MMEL1: variants seen among roughly 807,000 people sequenced by gnomAD.
MMEL1 encodes the protein membrane metalloendopeptidase like 1, also known as membrane metallo-endopeptidase-like 1.
MMEL1 carries 98 observed loss-of-function variants against 117.1 expected under a neutral mutation model. The ratio of observed to expected loss-of-function variants is 0.84; its 90% CI spans 0.71 to 0.99. The LOEUF (loss-of-function observed/expected upper bound fraction) is 0.99. Ranked by LOEUF, MMEL1 falls within the 50% of genes least tolerant of loss-of-function variation. MMEL1 has a pLI of 0.00. For missense variants in MMEL1, 1,014 were observed against 1,049.1 expected, an observed-to-expected ratio of 0.97 and a Z score of 0.46; for synonymous variants, 390 against 415.1, an observed-to-expected ratio of 0.94 and a Z score of 0.74.
chr1:2,631,461 C>A (rs772707606), intron 1 of MMEL1, among the ~76,000 whole-genome samples: 5 of 151,984 alleles, frequency 3.3e-5, no homozygotes, highest in Admixed American at 1.3e-4. Context: ...CCTAGATGTC[C>A]CTTAGCCTGT....
intron 1 of MMEL1, among the ~76,000 whole-genome samples, chr1:2,630,965 G>C (rs1392731360): frequency 2.0e-5 from 3 of 151,848 alleles, no homozygotes; most frequent in East Asian, 3.9e-4. Context: ...GTGTACGCTC[G>C]TGTGTGCACG....
intron 2 of MMEL1, 38 bp downstream of exon 2, chr1:2,629,293 G>C (rs1438028698): frequency 1.3e-6 from 2 of 1,514,020 alleles, no homozygotes; most frequent in East Asian, 2.6e-5. Context: ...GCGGAGAGCG[G>C]GCACGGGGAC....
intron 1 of MMEL1, chr1:2,629,762 T>G: frequency 2.6e-6 from 1 of 382,744 alleles, no homozygotes. Context: ...CAGCTTGGGG[T>G]CGCAAGCTGG....
rs1645178134 is a variant in MMEL1 at position 2,614,811 on chromosome 1, T to G, written c.155-2607A>C. On this transcript the variant is annotated intron_variant, in intron 2 of 23. Coordinates refer to ENST00000378412, the MANE Select transcript of MMEL1 (RefSeq NM_033467.4). Reference sequence around the variant, plus strand: ...ATCCGATAAAAGAAGCCAGGGCTCCTTAGAAAAATGGTTGATTATACAACT... The same window carrying G: ...ATCCGATAAAAGAAGCCAGGGCTCCGTAGAAAAATGGTTGATTATACAACT... 1.3e-5 allele frequency among the ~76,000 whole-genome samples: 2 copies of G among 151,380 alleles called. 1 individual carries two copies. Among genetic ancestry groups the G allele is most frequent in the South Asian group, 4.2e-4 (2 of 4,780 alleles).
At chr1:2,614,341 A>C (rs1347426996) in intron 2 of MMEL1, among the ~76,000 whole-genome samples, 2 of 152,252 alleles carry the variant, frequency 1.3e-5, no homozygotes, top group Non-Finnish European at 2.9e-5. Flanking sequence ...GAAGCTGTAC[A>C]TAAGCGCTGT....
intron 20 of MMEL1, 53 bp from the exon 21 acceptor site, chr1:2,592,773 T>TCAGGGC (rs1644759328): frequency 1.2e-6 from 2 of 1,610,452 alleles, no homozygotes; most frequent in African/African-American, 2.7e-5. Flanking sequence ...TCCCTCTCCC[T>TCAGGGC]CAGGGCCAGG....
intron 10 of MMEL1, 29 bp from the exon 11 acceptor site, chr1:2,604,002 G>A (rs1414688143): frequency 3.1e-6 from 5 of 1,610,828 alleles, no homozygotes; most frequent in African/African-American, 1.3e-5. Context: ...TCACACGGGC[G>A]GGTGGCCAGG....
intron 18 of MMEL1, chr1:2,594,181 G>A: frequency 2.6e-6 from 2 of 782,282 alleles, no homozygotes; most frequent in South Asian, 3.5e-5. Context: ...AAAGGCTCTG[G>A]GCCGCCTGCC....
chr1:2,611,522 A>C (rs1645128792), intron 3 of MMEL1, 182 bp from the exon 4 acceptor site: 1 of 513,270 alleles, frequency 1.9e-6, no homozygotes, highest in Non-Finnish European at 3.4e-6. Flanking sequence ...GGCCAGGGTA[A>C]CCAAAGCATA....
chr1:2,608,192 A>T (rs1645060781), intron 6 of MMEL1, among the ~76,000 whole-genome samples: 1 of 152,076 alleles, frequency 6.6e-6, no homozygotes, highest in Admixed American at 6.5e-5. Context: ...CCCTAAAGCC[A>T]GGGTCCCAGC....
chr1:2,616,585 T>C (rs991442873), intron 2 of MMEL1, among the ~76,000 whole-genome samples: 1 of 152,186 alleles, frequency 6.6e-6, no homozygotes, highest in Non-Finnish European at 1.5e-5. Flanking sequence ...CATGTGTCTC[T>C]ACCAGATGTG....
intron 2 of MMEL1, among the ~76,000 whole-genome samples, chr1:2,619,116 C>T (rs1049079820): frequency 6.6e-6 from 1 of 152,152 alleles, no homozygotes; most frequent in Non-Finnish European, 1.5e-5. Context: ...TTTCACCTGT[C>T]CTTTTGGATT....
intron 11 of MMEL1, among the ~76,000 whole-genome samples, chr1:2,599,239 G>A (rs912478340): frequency 6.6e-6 from 1 of 152,076 alleles, no homozygotes; most frequent in Non-Finnish European, 1.5e-5. Flanking sequence ...TGATTTATGA[G>A]GCCAAGAATA....
intron 6 of MMEL1, 82 bp from the exon 7 acceptor site, chr1:2,607,151 C>A: frequency 7.8e-7 from 1 of 1,280,554 alleles, no homozygotes; most frequent in Admixed American, 1.8e-5. Flanking sequence ...GCGCCGTTGG[C>A]CGGCGTCACA....
In MMEL1 at chr1:2,612,188, G is replaced by C; in HGVS notation, c.171C>G (p.Arg57=). The part of the protein sequence containing the change: ...YADRRGKQLP[R]LASRLCFLQE... ...GTAAGAAGCACAGCCGGCTAGCAAG[G>C]CGTGGCAGCTGCTTCCCTGGGGAGA... Residue 57 remains arginine (R), a synonymous_variant, in exon 3 of 24, where the codon CGC becomes CGG. Coordinates refer to ENST00000378412, the MANE Select transcript of MMEL1 (RefSeq NM_033467.4). This position sits in a 1 kb window ranked among gnomAD's most constrained non-coding sequence, Gnocchi z 5.4. 4.4e-6 allele frequency: 7 copies of C among 1,574,354 alleles called. No individual in the cohort carries two copies. Among genetic ancestry groups the C allele is most frequent in the South Asian group, 2.3e-5 (2 of 86,136 alleles).
intron 2 of MMEL1, among the ~76,000 whole-genome samples, chr1:2,620,620 T>TG (rs370861863): frequency 1.4e-3 from 207 of 151,826 alleles, no homozygotes; most frequent in African/African-American, 4.9e-3. Context: ...GCAGGGCTGG[T>TG]GGGGGGCATA....
At chr1:2,594,542 A>G (rs1644800155) in intron 17 of MMEL1, 99 bp from the exon 18 acceptor site, 13 of 1,390,814 alleles carry the variant, frequency 9.3e-6, no homozygotes, top group Admixed American at 2.0e-5. Context: ...TGGCCACACC[A>G]GAGCAAGGGC....
chr1:2,596,215 G>A, intron 14 of MMEL1, 108 bp from the exon 15 acceptor site: 1 of 1,057,864 alleles, frequency 9.5e-7, no homozygotes, highest in African/African-American at 1.6e-5. Context: ...GCAAGGCCCA[G>A]GGCTGCCCAG....
At chr1:2,629,827 C>T (rs868727558) in intron 1 of MMEL1, 3 of 210,766 alleles carry the variant, frequency 1.4e-5, no homozygotes. Context: ...GGAGCCCCCC[C>T]CCTGGGCTGC....
Sources: allele counts gnomAD v4.1 joint callset (sites outside exome capture counted in the v4.1 genomes callset), GRCh38; gene constraint gnomAD v4.1.1; non-coding constraint Gnocchi (gnomAD v3.1); transcripts MANE v1.5; gene names NCBI Gene and HGNC (gene_info 2026-07-23, HGNC 2026-07-21).